The following PPARG variants were observed in gnomAD, a reference collection of about 807,000 sequenced individuals.
PPARG encodes the protein peroxisome proliferator-activated receptor gamma.
Under a neutral mutation model 39.2 loss-of-function variants are expected in PPARG, and 17 were observed. That is an observed-to-expected ratio of 0.43 (90% CI 0.30 to 0.65). The LOEUF (loss-of-function observed/expected upper bound fraction) is 0.65. PPARG is among the 30% of genes least tolerant of loss of function. The pLI is 0.13. For missense variants in PPARG, 406 were observed against 585.9 expected, an observed-to-expected ratio of 0.69 and a Z score of 3.17; for synonymous variants, 223 against 215.7, an observed-to-expected ratio of 1.03 and a Z score of -0.30.
At chr3:12,376,710 A>G (rs1222056864) in intron 2 of PPARG, among the ~76,000 whole-genome samples, 1 of 152,194 alleles carries the variant, frequency 6.6e-6, no homozygotes, top group Non-Finnish European at 1.5e-5. Flanking sequence ...TGCTTGATCA[A>G]TACCAATTTG....
chr3:12,392,024 G>A (rs1038974386), intron 4 of PPARG, among the ~76,000 whole-genome samples: 1 of 152,086 alleles, frequency 6.6e-6, no homozygotes, highest in African/African-American at 2.4e-5. Context: ...TACTTCTCAT[G>A]TTATTCCCAT....
chr3:12,331,347 G>A (rs1270947139), intron 2 of PPARG, among the ~76,000 whole-genome samples: 1 of 152,158 alleles, frequency 6.6e-6, no homozygotes, highest in Non-Finnish European at 1.5e-5. Flanking sequence ...ACCTTAAGGG[G>A]GTTGTGAGAA....
chr3:12,375,623 A>G (rs531760951), intron 2 of PPARG, among the ~76,000 whole-genome samples: 162 of 152,338 alleles, frequency 1.1e-3, no homozygotes, highest in African/African-American at 3.8e-3. Flanking sequence ...TAAGCCTGCC[A>G]AGGAGACAGA....
chr3:12,403,510 C>G (rs749506579), intron 5 of PPARG, among the ~76,000 whole-genome samples: 30 of 151,830 alleles, frequency 2.0e-4, no homozygotes, highest in Non-Finnish European at 3.7e-4. Flanking sequence ...CCACCACGCC[C>G]AGCTATTTAT....
At chr3:12,292,629 T>C (rs549006818) in intron 1 of PPARG, among the ~76,000 whole-genome samples, 45 of 152,098 alleles carry the variant, frequency 3.0e-4, no homozygotes, top group Non-Finnish European at 3.2e-4. Flanking sequence ...ATCCAAATAA[T>C]AAATTTTAAA....
chr3:12,415,737 A>G (rs2051033671), intron 6 of PPARG, among the ~76,000 whole-genome samples: 2 of 152,220 alleles, frequency 1.3e-5, no homozygotes, highest in Non-Finnish European at 2.9e-5. Flanking sequence ...TTTGTGAAAT[A>G]GATGGCTTCC....
intron 7 of PPARG, among the ~76,000 whole-genome samples, chr3:12,423,376 G>A (rs976506262): frequency 1.3e-4 from 20 of 152,206 alleles, no homozygotes; most frequent in African/African-American, 3.6e-4. Flanking sequence ...TGTTCAATCA[G>A]CACTGAGTTT....
intron 2 of PPARG, 43 bp downstream of exon 2, chr3:12,312,496 A>G (rs2047274850): frequency 6.6e-6 from 1 of 152,216 alleles, no homozygotes; most frequent in Non-Finnish European, 1.5e-5. Context: ...ATTGAAAAGT[A>G]TCCCTTTTAA....
chr3:12,340,098 A>G (rs781140715), intron 2 of PPARG, among the ~76,000 whole-genome samples: 1 of 152,212 alleles, frequency 6.6e-6, no homozygotes, highest in Non-Finnish European at 1.5e-5. Context: ...CAGGCAGTAC[A>G]TGGAAGAAAC....
chr3:12,359,086 C>G (rs544452534), intron 2 of PPARG, among the ~76,000 whole-genome samples: 9 of 152,254 alleles, frequency 5.9e-5, no homozygotes, highest in Admixed American at 5.9e-4. Flanking sequence ...AAAGTACTTA[C>G]TATCTCTATC....
At chr3:12,359,912 A>T (rs1027975602) in intron 2 of PPARG, among the ~76,000 whole-genome samples, 3 of 152,036 alleles carry the variant, frequency 2.0e-5, no homozygotes, top group African/African-American at 7.2e-5. Context: ...ATCTCAAGTG[A>T]TCCGACTGCC....
At chr3:12,403,258 A>C (rs1004777534) in intron 5 of PPARG, among the ~76,000 whole-genome samples, 21 of 149,868 alleles carry the variant, frequency 1.4e-4, no homozygotes, top group South Asian at 2.1e-4. Flanking sequence ...GTGCCACTGC[A>C]CTCCAGCCTG....
chr3:12,399,980 T>C (rs1419488039), intron 5 of PPARG, among the ~76,000 whole-genome samples: 1 of 149,738 alleles, frequency 6.7e-6, no homozygotes. Flanking sequence ...AAAGACCCTG[T>C]CTCTAAAAAA....
chr3:12,399,318 G>A (rs1156357752), intron 5 of PPARG: 7 of 456,304 alleles, frequency 1.5e-5, no homozygotes, highest in South Asian at 1.1e-4. Context: ...TTTAATATTA[G>A]TGCTAAAGTT....
intron 1 of PPARG, chr3:12,305,653 A>G (rs978423452): frequency 1.3e-5 from 2 of 152,220 alleles, no homozygotes; most frequent in Non-Finnish European, 2.9e-5. Context: ...CACTGCTAAC[A>G]AATAGCAGAT....
rs371622192 is a variant in PPARG, at chr3:12,294,205, C to G, written c.-83+5071C>G. ...CTTTGAAACAAAATAGGAAAATAAC[C>G]ATTTGGAATAGCAGTGATAGGAAAA... On this transcript the variant is annotated intron_variant, in intron 1 of 7. Transcript: ENST00000651735. Among the ~76,000 whole-genome samples, 19 of 152,228 alleles carry G rather than the reference C, an allele frequency of 1.2e-4. No individual in the cohort carries two copies. In the East Asian group the frequency reaches 3.3e-3, roughly 26 times the overall value.
chr3:12,410,868 G>T (rs117066945), intron 6 of PPARG, among the ~76,000 whole-genome samples: 3 of 152,162 alleles, frequency 2.0e-5, no homozygotes, highest in Admixed American at 6.5e-5. Flanking sequence ...GCTAAACAAC[G>T]TATGGGTTCT....
rs184788986 is a variant in PPARG, at chr3:12,304,581, T to A, written c.-82-7799T>A. 4.4e-3 allele frequency among the ~76,000 whole-genome samples: 667 copies of A among 152,368 alleles called. 5 individuals are homozygous for A. The highest frequency in any genetic ancestry group is 0.015 in the African/African-American group (619 of 41,584). ...TTGTTTCACTTCAAGTCTAGTAGAA[T>A]ATTTTGTTAAAATAGCCAATTTTCA... On this transcript the variant is annotated intron_variant, in intron 1 of 7. Coordinates refer to ENST00000651735, the MANE Select transcript of PPARG (RefSeq NM_138711.6).
At chr3:12,323,686 G>A (rs941380357) in intron 2 of PPARG, among the ~76,000 whole-genome samples, 1 of 151,852 alleles carries the variant, frequency 6.6e-6, no homozygotes, top group Non-Finnish European at 1.5e-5. Flanking sequence ...ACTGAGATCT[G>A]TCTGTCTAAC....
Sources: gnomAD v4.1 joint callset for allele counts (sites outside exome capture counted in the v4.1 genomes callset) on GRCh38, gnomAD v4.1.1 for gene constraint, MANE v1.5 for transcripts, NCBI Gene and HGNC (gene_info 2026-07-23, HGNC 2026-07-21) for gene names.